PIGB: variants seen among roughly 807,000 people sequenced by gnomAD.
PIGB encodes GPI alpha-1,2-mannosyltransferase 3.
Under a neutral mutation model 68.4 loss-of-function variants are expected in PIGB, and 58 were observed. The ratio of observed to expected loss-of-function variants is 0.85; its 90% confidence interval spans 0.69 to 1.06. The LOEUF (loss-of-function observed/expected upper bound fraction) is 1.06. Ranked by LOEUF, PIGB falls within the 50% of genes least tolerant of loss-of-function variation. The pLI is 0.00. For missense variants in PIGB, 634 were observed against 655.8 expected (o/e 0.97, Z 0.36); for synonymous variants, 219 against 220.5 (o/e 0.99, Z 0.06).
intron 3 of PIGB, among the ~76,000 whole-genome samples, chr15:55,322,722 A>G (rs983818593): frequency 2.0e-5 from 3 of 152,206 alleles, no homozygotes; most frequent in African/African-American, 4.8e-5. Context: ...AGTGAAACCG[A>G]TGCTTCAAAT....
rs576412119 is a variant in PIGB, at chr15:55,333,520, C to A, written c.654-347C>A. 2.6e-5 allele frequency among the ~76,000 whole-genome samples: 4 copies of A among 152,274 alleles called. No individual in the cohort carries two copies. The South Asian group carries it at 8.3e-4, about 32-fold the overall frequency. On this transcript the variant is annotated intron_variant, in intron 5 of 11. Coordinates refer to ENST00000164305, the MANE Select transcript of PIGB (RefSeq NM_004855.5). ...CTGAGGTGGGCAGATCACCTGACGTCAGGAGTTTGAGGCCAGCCTGGCCAA... is the reference window on the plus strand; with the variant it reads ...CTGAGGTGGGCAGATCACCTGACGTAAGGAGTTTGAGGCCAGCCTGGCCAA...
intron 5 of PIGB, among the ~76,000 whole-genome samples, chr15:55,331,648 G>T (rs1486702045): frequency 2.6e-5 from 4 of 152,080 alleles, no homozygotes; most frequent in Admixed American, 6.6e-5. Context: ...AGGAGGCAGG[G>T]GTTGCAGTCA....
chr15:55,321,496 C>CA, intron 3 of PIGB, 106 bp downstream of exon 3: 1 of 818,550 alleles, frequency 1.2e-6, no homozygotes, highest in African/African-American at 1.7e-5. Flanking sequence ...CATGATACTA[C>CA]AGACATACTG....
At chr15:55,348,140 C>G (rs2055842727) in intron 9 of PIGB, among the ~76,000 whole-genome samples, 2 of 152,122 alleles carry the variant, frequency 1.3e-5, no homozygotes, top group South Asian at 4.1e-4. Flanking sequence ...GCATGCGCCT[C>G]CACACCTAGC....
At chr15:55,345,945 A>G (rs60439248) in intron 9 of PIGB, among the ~76,000 whole-genome samples, 9,440 of 152,188 alleles carry the variant, frequency 0.062, 708 homozygotes, top group African/African-American at 0.18. Context: ...AAATAGAAAC[A>G]GTAACTCAGA....
chr15:55,345,106 G>A (rs931830171), intron 9 of PIGB, among the ~76,000 whole-genome samples: 6 of 151,828 alleles, frequency 4.0e-5, no homozygotes, highest in South Asian at 2.1e-4. Flanking sequence ...GACCAGGCTG[G>A]TGTCGAACTC....
intron 1 of PIGB, chr15:55,320,010 C>T (rs1368540516): frequency 6.8e-6 from 2 of 292,604 alleles, no homozygotes; most frequent in Non-Finnish European, 6.3e-6. Flanking sequence ...AGTTAACCCA[C>T]TCTTTTTTTT....
intron 10 of PIGB, among the ~76,000 whole-genome samples, chr15:55,352,681 C>T (rs758667714): frequency 9.2e-5 from 14 of 152,014 alleles, no homozygotes; most frequent in African/African-American, 3.1e-4. Context: ...CCTAGCTACT[C>T]GGGAGGCGGA....
intron 3 of PIGB, among the ~76,000 whole-genome samples, chr15:55,322,589 C>T (rs1172602082): frequency 6.6e-6 from 1 of 152,108 alleles, no homozygotes; most frequent in African/African-American, 2.4e-5. Context: ...AAAGGCAGTC[C>T]AAATCCTGAC....
intron 3 of PIGB, among the ~76,000 whole-genome samples, chr15:55,324,194 G>C (rs2055228338): frequency 6.6e-6 from 1 of 152,144 alleles, no homozygotes; most frequent in South Asian, 2.1e-4. Context: ...TGAATAGTCA[G>C]AAGACAACAA....
Position 55,329,941 on chromosome 15 carries a change from C to A in PIGB, c.653+87C>A, listed in dbSNP as rs574599958. 3 of 928,276 alleles carry A rather than the reference C, an allele frequency of 3.2e-6. No homozygotes were observed. In the African/African-American group the frequency reaches 5.0e-5, roughly 15 times the overall value. 57.5% of individuals were successfully genotyped at this position (928,276 alleles called of 1,614,324 possible). A position where few individuals can be genotyped will look rare whatever the true frequency, so the allele number is the denominator to read the frequency against. On this transcript the variant is annotated intron_variant, in intron 5 of 11. Transcript: ENST00000164305. ...CAACATATTGTAATGTCTAGTAGAC[C>A]CCCTAATTTTCATGAGTCATGAGAA...
chr15:55,343,692 A>G (rs890855914), intron 9 of PIGB: 2 of 152,182 alleles, frequency 1.3e-5, no homozygotes, highest in East Asian at 3.8e-4. Context: ...GCCCCTTCTA[A>G]TAGGTAAGAA....
At chr15:55,321,192 A>T in intron 2 of PIGB, 81 bp from the exon 3 acceptor site, 5 of 1,294,284 alleles carry the variant, frequency 3.9e-6, no homozygotes, top group Non-Finnish European at 5.2e-6. Flanking sequence ...TGGGCAAGAG[A>T]GTGAGACCCC....
At chr15:55,347,994 T>C (rs2055837371) in intron 9 of PIGB, among the ~76,000 whole-genome samples, 1 of 139,732 alleles carries the variant, frequency 7.2e-6, no homozygotes, top group Admixed American at 7.0e-5. Context: ...TTTTTTTTTT[T>C]TTTTTTTTTT....
chr15:55,327,434 C>G, intron 3 of PIGB, 97 bp from the exon 4 acceptor site: 1 of 743,306 alleles, frequency 1.3e-6, no homozygotes, highest in Non-Finnish European at 2.2e-6. Context: ...AGAATGGCTT[C>G]CCATAGATAG....
rs1285136677 is a variant in PIGB at position 55,329,260 on chromosome 15, G to A, written c.523-464G>A. ...TCTTTTGTCTTAATTTTTCATCAGC[G>A]TTCCAAAACAGGGAGACATTCCAAA... On this transcript the variant is annotated intron_variant, in intron 4 of 11. Transcript: ENST00000164305. 3.3e-5 allele frequency among the ~76,000 whole-genome samples: 5 copies of A among 150,804 alleles called. 1 individual carries two copies. The South Asian group carries it at 6.3e-4, about 19-fold the overall frequency.
intron 5 of PIGB, 96 bp from the exon 6 acceptor site, chr15:55,333,771 A>G (rs2055475013): frequency 3.4e-6 from 3 of 885,558 alleles, no homozygotes; most frequent in Admixed American, 7.3e-5. Context: ...TCATATAGCT[A>G]TTTATACCAA....
intron 3 of PIGB, 40 bp downstream of exon 3, chr15:55,321,430 T>C: frequency 6.6e-7 from 1 of 1,521,922 alleles, no homozygotes; most frequent in Middle Eastern, 1.7e-4. Flanking sequence ...ATTGGGGCCA[T>C]GGAATTTGTT....
At chr15:55,339,549 T>C (rs904781334) in intron 7 of PIGB, among the ~76,000 whole-genome samples, 4 of 152,266 alleles carry the variant, frequency 2.6e-5, no homozygotes, top group Non-Finnish European at 5.9e-5. Context: ...AAGTGAGCAC[T>C]GAATGTTACC....
Sources: gnomAD v4.1 joint callset for allele counts (sites outside exome capture counted in the v4.1 genomes callset) on GRCh38, gnomAD v4.1.1 for gene constraint, MANE v1.5 for transcripts, NCBI Gene and HGNC (gene_info 2026-07-23, HGNC 2026-07-21) for gene names.